The following CCDC91 variants were observed in gnomAD, a reference collection of about 807,000 sequenced individuals.
CCDC91 encodes coiled-coil domain-containing protein 91.
A neutral mutation model predicts 63.2 loss-of-function variants in CCDC91; 48 were observed. The ratio of observed to expected loss-of-function variants is 0.76; its 90% CI spans 0.60 to 0.97. The LOEUF (loss-of-function observed/expected upper bound fraction) is 0.97, where lower values mean the gene tolerates loss of function less well. Ranked by LOEUF, CCDC91 falls within the 50% of genes least tolerant of loss-of-function variation. The pLI, the probability that CCDC91 is intolerant of heterozygous loss-of-function variation, is 0.00. For missense variants in CCDC91, 500 were observed against 494.6 expected (o/e 1.01, Z -0.10); for synonymous variants, 167 against 165.8 (o/e 1.01, Z -0.06).
At chr12:28,318,725 C>T (rs1592293353) in intron 6 of CCDC91, among the ~76,000 whole-genome samples, 1 of 151,940 alleles carries the variant, frequency 6.6e-6, no homozygotes, top group Admixed American at 6.6e-5. Flanking sequence ...TTTCTTATCC[C>T]TGTTCTAATA....
chr12:28,473,359 C>T (rs562793025), intron 11 of CCDC91, among the ~76,000 whole-genome samples: 1 of 152,274 alleles, frequency 6.6e-6, no homozygotes, highest in East Asian at 1.9e-4. Flanking sequence ...AAGAAGTTCA[C>T]TCTTAGCAGT....
intron 11 of CCDC91, among the ~76,000 whole-genome samples, chr12:28,481,418 ATTTT>A (rs1160967250): frequency 1.3e-5 from 2 of 152,002 alleles, no homozygotes; most frequent in Non-Finnish European, 2.9e-5. Flanking sequence ...TCACCAAAAT[ATTTT>A]GGAAAATACT....
chr12:28,362,907 T>C (rs1278741056), intron 7 of CCDC91, among the ~76,000 whole-genome samples: 1 of 152,138 alleles, frequency 6.6e-6, no homozygotes, highest in Non-Finnish European at 1.5e-5. Context: ...TTAAACAAAT[T>C]AGATAGATTT....
chr12:28,484,029 G>A (rs779170023), intron 11 of CCDC91, 23 bp from the exon 12 acceptor site: 5 of 1,483,936 alleles, frequency 3.4e-6, no homozygotes, highest in East Asian at 2.3e-5. Context: ...CTCCCTGACT[G>A]TTTTGCCTTC....
At chr12:28,320,837 T>G (rs772552484) in intron 6 of CCDC91, among the ~76,000 whole-genome samples, 16 of 151,938 alleles carry the variant, frequency 1.1e-4, no homozygotes, top group Non-Finnish European at 2.1e-4. Context: ...TGTCTTTATA[T>G]TCATTTGCTG....
intron 3 of CCDC91, among the ~76,000 whole-genome samples, chr12:28,272,491 G>C (rs1023653388): frequency 5.0e-4 from 74 of 149,032 alleles, no homozygotes; most frequent in African/African-American, 1.7e-3. Flanking sequence ...CGTTTTGGCT[G>C]TTCTGCCATC....
intron 3 of CCDC91, among the ~76,000 whole-genome samples, chr12:28,270,572 A>G (rs1377477454): frequency 6.6e-6 from 1 of 152,122 alleles, no homozygotes; most frequent in South Asian, 2.1e-4. Flanking sequence ...CACAATGTTA[A>G]TTTTATTTCA....
intron 1 of CCDC91, among the ~76,000 whole-genome samples, chr12:28,247,588 A>C (rs1945838338): frequency 2.0e-5 from 3 of 152,060 alleles, no homozygotes; most frequent in South Asian, 4.1e-4. Flanking sequence ...TGCAGAGTGG[A>C]GAATGGACTA....
At chr12:28,267,680 G>A (rs1475147712) in intron 3 of CCDC91, among the ~76,000 whole-genome samples, 1 of 111,760 alleles carries the variant, frequency 8.9e-6, no homozygotes, top group Admixed American at 1.3e-4. Context: ...TATATTATAT[G>A]TTATATAAAT....
chr12:28,464,022 C>G (rs1292414587), intron 11 of CCDC91, among the ~76,000 whole-genome samples: 2 of 152,154 alleles, frequency 1.3e-5, no homozygotes, highest in Admixed American at 1.3e-4. Context: ...CAGAGAGTGT[C>G]TCTCTGCCCT....
chr12:28,197,775 C>T (rs1941893416), intron 1 of CCDC91, among the ~76,000 whole-genome samples: 2 of 152,054 alleles, frequency 1.3e-5, no homozygotes, highest in Admixed American at 1.3e-4. Flanking sequence ...ATCAGTACTT[C>T]TGAAATGTTT....
chr12:28,226,587 T>C (rs552175506), intron 1 of CCDC91, among the ~76,000 whole-genome samples: 1 of 152,350 alleles, frequency 6.6e-6, no homozygotes, highest in Non-Finnish European at 1.5e-5. Context: ...TAGAAAATTA[T>C]GACAATAATA....
At chr12:28,352,008 G>T (rs1317736399) in intron 6 of CCDC91, among the ~76,000 whole-genome samples, 1 of 152,162 alleles carries the variant, frequency 6.6e-6, no homozygotes, top group Non-Finnish European at 1.5e-5. Flanking sequence ...GACTGCTGCA[G>T]TAAAGCAAAT....
At chr12:28,309,845 A>G (rs1192300531) in intron 6 of CCDC91, among the ~76,000 whole-genome samples, 2 of 152,024 alleles carry the variant, frequency 1.3e-5, no homozygotes, top group Admixed American at 6.6e-5. Context: ...ATCGTGCTGT[A>G]TAAAATAAGG....
chr12:28,326,472 C>T (rs983321613), intron 6 of CCDC91, among the ~76,000 whole-genome samples: 4 of 150,216 alleles, frequency 2.7e-5, no homozygotes, highest in African/African-American at 7.3e-5. Flanking sequence ...CATATGTATA[C>T]ATGTGCCATG....
intron 7 of CCDC91, among the ~76,000 whole-genome samples, chr12:28,362,884 T>G (rs1286956834): frequency 6.6e-6 from 1 of 152,190 alleles, no homozygotes; most frequent in African/African-American, 2.4e-5. Flanking sequence ...TATACCTTTT[T>G]GCTTTTCTTT....
At chr12:28,419,482 T>C (rs1188748126) in intron 8 of CCDC91, among the ~76,000 whole-genome samples, 2 of 152,130 alleles carry the variant, frequency 1.3e-5, no homozygotes, top group Admixed American at 6.6e-5. Context: ...AACCAATAAA[T>C]CTTTTTTTGT....
chr12:28,469,418 T>C (rs1395811121), intron 11 of CCDC91, among the ~76,000 whole-genome samples: 1 of 151,878 alleles, frequency 6.6e-6, no homozygotes, highest in Admixed American at 6.6e-5. Flanking sequence ...TATAAAACAC[T>C]GATGAAAGAA....
intron 8 of CCDC91, among the ~76,000 whole-genome samples, chr12:28,437,564 T>C (rs925023357): frequency 1.3e-5 from 2 of 152,114 alleles, no homozygotes; most frequent in Non-Finnish European, 2.9e-5. Flanking sequence ...TCTTCAATTA[T>C]GTTATTTCAA....
Sources: allele counts gnomAD v4.1 joint callset (sites outside exome capture counted in the v4.1 genomes callset), GRCh38; gene constraint gnomAD v4.1.1; transcripts MANE v1.5; gene names NCBI Gene and HGNC (gene_info 2026-07-23, HGNC 2026-07-21).